KCNK10: variants seen among roughly 807,000 people sequenced by gnomAD.
The protein encoded by KCNK10 is potassium channel subfamily K member 10.
A neutral mutation model predicts 47.7 loss-of-function variants in KCNK10; 25 were observed. The observed-to-expected ratio is 0.52, with a 90% CI of 0.38 to 0.73. The LOEUF (loss-of-function observed/expected upper bound fraction) is 0.73, where lower values mean the gene tolerates loss of function less well. Among genes scored for constraint, KCNK10 ranks in the 30% least tolerant of loss-of-function variants. The probability of loss-of-function intolerance (pLI) is 0.00; values close to 1 mark genes in which losing one functional copy is unlikely to be tolerated. For synonymous variants in KCNK10, 303 were observed against 285.6 expected (o/e 1.06, Z -0.61); for missense variants, 563 against 714.5 (o/e 0.79, Z 2.42).
At chr14:88,292,441 C>T (rs1305047653) in intron 1 of KCNK10, among the ~76,000 whole-genome samples, 1 of 151,206 alleles carries the variant, frequency 6.6e-6, no homozygotes, top group Non-Finnish European at 1.5e-5. Context: ...ACTCTGCCTC[C>T]CGGGTTCAAG....
At position 88,268,707 on chromosome 14, in the gene KCNK10, G is replaced by C. The variant is rs192153253; in HGVS notation, c.53-5156C>G. On this transcript the variant is annotated intron_variant, in intron 1 of 6. Coordinates refer to ENST00000319231, the MANE Select transcript of KCNK10 (RefSeq NM_138317.3). ...GCAGTGGAGTTCTTCCCTACAAAAC[G>C]TATCAATAATGAATGGATCTATAAA... is the stretch of plus-strand genomic sequence containing the variant. Among the ~76,000 whole-genome samples the C allele has an allele frequency of 7.0e-4, 106 of 152,224 alleles. 1 individual carries two copies. The highest frequency in any genetic ancestry group is 2.4e-3 in the African/African-American group (100 of 41,512).
chr14:88,259,567 C>T (rs1469191652), intron 2 of KCNK10, among the ~76,000 whole-genome samples: 1 of 152,172 alleles, frequency 6.6e-6, no homozygotes, highest in Admixed American at 6.5e-5. Flanking sequence ...GGTGATCCTC[C>T]CACCTCAGCC....
At chr14:88,309,577 G>C (rs116826075) in intron 1 of KCNK10, among the ~76,000 whole-genome samples, 1 of 152,090 alleles carries the variant, frequency 6.6e-6, no homozygotes, top group African/African-American at 2.4e-5. Context: ...ACTCCAGCTC[G>C]GGCGACAAAT....
At chr14:88,321,641 T>C (rs1442223340) in intron 1 of KCNK10, among the ~76,000 whole-genome samples, 1 of 152,188 alleles carries the variant, frequency 6.6e-6, no homozygotes, top group Non-Finnish European at 1.5e-5. Context: ...CCTCAGTGTT[T>C]TAAAAAGGCA....
chr14:88,198,942 CAG>C (rs1009206838), intron 4 of KCNK10, among the ~76,000 whole-genome samples: 12 of 34,660 alleles, frequency 3.5e-4, no homozygotes, highest in African/African-American at 7.2e-4. Flanking sequence ...TTTTTTGAGG[CAG>C]AGTCTCACTT....
At chr14:88,208,532 A>G (rs1023214194) in intron 4 of KCNK10, among the ~76,000 whole-genome samples, 3 of 152,250 alleles carry the variant, frequency 2.0e-5, no homozygotes, top group Non-Finnish European at 2.9e-5. Flanking sequence ...TGTCAGGAAA[A>G]GGATGCCAGA....
At chr14:88,298,488 T>G (rs1888031928) in intron 1 of KCNK10, among the ~76,000 whole-genome samples, 1 of 152,194 alleles carries the variant, frequency 6.6e-6, no homozygotes, top group Admixed American at 6.5e-5. Context: ...GCTCCACGCC[T>G]TAGAGATGCC....
intron 3 of KCNK10, among the ~76,000 whole-genome samples, chr14:88,239,861 A>AAAAATAAAAT (rs147985522): frequency 3.5e-5 from 5 of 144,584 alleles, no homozygotes; most frequent in South Asian, 2.2e-4. Context: ...CTCCATCTCA[A>AAAAATAAAAT]AAAATAAAAT....
intron 1 of KCNK10, among the ~76,000 whole-genome samples, chr14:88,289,154 C>G (rs921704591): frequency 1.3e-5 from 2 of 152,178 alleles, no homozygotes; most frequent in African/African-American, 4.8e-5. Flanking sequence ...TTCCATTTCC[C>G]TAAAGGAAAT....
intron 1 of KCNK10, chr14:88,271,015 C>G (rs551165171): frequency 3.0e-4 from 177 of 590,758 alleles, no homozygotes; most frequent in African/African-American, 2.9e-3. Flanking sequence ...CCCAGCAGCA[C>G]CCAGACCCGC....
At chr14:88,303,468 T>A (rs1014778900) in intron 1 of KCNK10, among the ~76,000 whole-genome samples, 5 of 152,060 alleles carry the variant, frequency 3.3e-5, no homozygotes, top group Admixed American at 6.5e-5. Context: ...CAGACCACCC[T>A]TTCCAGCAAT....
intron 1 of KCNK10, among the ~76,000 whole-genome samples, chr14:88,297,505 A>G (rs549595219): frequency 8.5e-4 from 130 of 152,318 alleles, no homozygotes; most frequent in African/African-American, 3.0e-3. Context: ...GGTTCCTATT[A>G]GCTAGGAGAC....
intron 4 of KCNK10, among the ~76,000 whole-genome samples, chr14:88,197,897 G>GAGAGAGAGA (rs1884975187): frequency 7.6e-6 from 1 of 131,070 alleles, no homozygotes; most frequent in African/African-American, 3.4e-5. Context: ...AGAGAGAGAA[G>GAGAGAGAGA]GGGAAAAAAG....
Position 88,263,289 on chromosome 14 carries a change from G to A in KCNK10, c.315C>T (p.Ser105=). 2 of 1,614,080 alleles carry A rather than the reference G, an allele frequency of 1.2e-6. No individual in the cohort carries two copies. The highest frequency in any genetic ancestry group is 1.7e-6 in the Non-Finnish European group (2 of 1,180,052). Residue 105 remains serine (S), a synonymous_variant, in exon 2 of 7, where the codon AGC becomes AGT. Coordinates refer to ENST00000319231, the MANE Select transcript of KCNK10 (RefSeq NM_138317.3). Reference sequence around the variant, plus strand: ...TCTCCAAGGCGATGGTATTCTTCTGGCTGCTCTCAAAGGGCTGCTCCAATG... The same window carrying A: ...TCTCCAAGGCGATGGTATTCTTCTGACTGCTCTCAAAGGGCTGCTCCAATG... ...FRALEQPFES[S]QKNTIALEKA...
chr14:88,305,665 AT>A (rs1888189437), intron 1 of KCNK10, among the ~76,000 whole-genome samples: 1 of 152,210 alleles, frequency 6.6e-6, no homozygotes, highest in Non-Finnish European at 1.5e-5. Flanking sequence ...ATATGTCTTC[AT>A]TTGGGTTTCC....
upstream of KCNK10, chr14:88,323,534 C>CG (rs1888598577): frequency 6.6e-6 from 1 of 150,502 alleles, no homozygotes; most frequent in Non-Finnish European, 1.5e-5. Flanking sequence ...GCACCCGGCT[C>CG]GGGGCAGCGG....
chr14:88,307,529 T>C (rs778697568), intron 1 of KCNK10, among the ~76,000 whole-genome samples: 2 of 152,218 alleles, frequency 1.3e-5, no homozygotes, highest in Non-Finnish European at 2.9e-5. Flanking sequence ...TACAATTAGA[T>C]AGTGATGATG....
intron 4 of KCNK10, among the ~76,000 whole-genome samples, chr14:88,212,303 G>A (rs1885488207): frequency 6.6e-6 from 1 of 151,754 alleles, no homozygotes; most frequent in Non-Finnish European, 1.5e-5. Flanking sequence ...AGCTGGGCAT[G>A]GTGACACATG....
At chr14:88,291,436 A>G (rs1426042078) in intron 1 of KCNK10, among the ~76,000 whole-genome samples, 1 of 152,242 alleles carries the variant, frequency 6.6e-6, no homozygotes, top group East Asian at 1.9e-4. Flanking sequence ...TAAGCCATAT[A>G]AGAGAATTCG....
Sources: allele counts gnomAD v4.1 joint callset (sites outside exome capture counted in the v4.1 genomes callset), GRCh38; gene constraint gnomAD v4.1.1; transcripts MANE v1.5; gene names NCBI Gene and HGNC (gene_info 2026-07-23, HGNC 2026-07-21).